Variants in CCSER1 observed in about 807,000 individuals in gnomAD.
The protein encoded by CCSER1 is serine-rich coiled-coil domain-containing protein 1.
Under a neutral mutation model 82.0 loss-of-function variants are expected in CCSER1, and 41 were observed. That is an observed-to-expected ratio of 0.50 (90% CI 0.39 to 0.65). The LOEUF (loss-of-function observed/expected upper bound fraction) is 0.65. CCSER1 is among the 30% of genes least tolerant of loss of function. The pLI is 0.00. For synonymous variants in CCSER1, 414 were observed against 383.9 expected (o/e 1.08, Z -0.92); for missense variants, 1,119 against 1,064.2 (o/e 1.05, Z -0.72).
chr4:90,845,707 CT>C (rs879272566), intron 8 of CCSER1, among the ~76,000 whole-genome samples: 78 of 150,234 alleles, frequency 5.2e-4, no homozygotes, highest in Middle Eastern at 3.5e-3. Flanking sequence ...TTAGTTAGTG[CT>C]TTTTTTTAAA....
chr4:90,238,591 G>A (rs756374005), intron 1 of CCSER1, among the ~76,000 whole-genome samples: 1 of 152,108 alleles, frequency 6.6e-6, no homozygotes, highest in South Asian at 2.1e-4. Context: ...TTGAAACAGA[G>A]CTGTCCTGGT....
intron 10 of CCSER1, among the ~76,000 whole-genome samples, chr4:91,249,562 C>G (rs555219345): frequency 3.9e-5 from 6 of 152,220 alleles, no homozygotes; most frequent in African/African-American, 1.2e-4. Context: ...TCACTGTTAG[C>G]AGACCAATCA....
In CCSER1 at chr4:91,556,211, C is replaced by G. The variant is rs185630067; in HGVS notation, c.2218-42361C>G. 1.5e-3 allele frequency among the ~76,000 whole-genome samples: 232 copies of G among 151,286 alleles called. 7 individuals are homozygous for G. Among genetic ancestry groups the G allele is most frequent in the African/African-American group, 5.4e-3 (221 of 41,304 alleles). On this transcript the variant is annotated intron_variant, in intron 10 of 10. Transcript: ENST00000509176. ...ATTTTGACTTTGATCTAATTTGGGA[C>G]AGCTCATTGACAGTTAAATACTTTA...
intron 10 of CCSER1, among the ~76,000 whole-genome samples, chr4:91,162,458 G>T (rs1731520801): frequency 6.6e-6 from 1 of 152,154 alleles, no homozygotes; most frequent in Admixed American, 6.5e-5. Flanking sequence ...ATGAGTTAGA[G>T]AGGAATTCCT....
At chr4:91,080,968 T>C (rs183659958) in intron 9 of CCSER1, among the ~76,000 whole-genome samples, 4 of 152,322 alleles carry the variant, frequency 2.6e-5, no homozygotes, top group Admixed American at 1.3e-4. Context: ...AGCCAAATTC[T>C]ACCCAGAGGT....
intron 7 of CCSER1, among the ~76,000 whole-genome samples, chr4:90,748,137 T>C (rs201812898): frequency 0.18 from 26,351 of 143,276 alleles, 2,995 homozygotes; most frequent in Middle Eastern, 0.26. Context: ...CTGCACCCAC[T>C]AACTCGTCAT....
intron 6 of CCSER1, among the ~76,000 whole-genome samples, chr4:90,648,301 G>GAAAGAA: frequency 1.5e-5 from 1 of 67,718 alleles, no homozygotes; most frequent in South Asian, 4.0e-4. Flanking sequence ...AAGAAAGAAA[G>GAAAGAA]AAAGAAAGAA....
intron 8 of CCSER1, among the ~76,000 whole-genome samples, chr4:90,816,904 CT>C (rs1200960826): frequency 2.6e-5 from 4 of 152,062 alleles, no homozygotes; most frequent in African/African-American, 7.2e-5. Flanking sequence ...GAAACTTGAT[CT>C]TTATTTAAAC....
chr4:90,701,572 G>C (rs1269255433), intron 6 of CCSER1, among the ~76,000 whole-genome samples: 1 of 152,118 alleles, frequency 6.6e-6, no homozygotes, highest in African/African-American at 2.4e-5. Flanking sequence ...AAATTACCTT[G>C]GGCAGTATGG....
At chr4:90,293,656 A>G (rs1731337335) in intron 1 of CCSER1, among the ~76,000 whole-genome samples, 1 of 151,194 alleles carries the variant, frequency 6.6e-6, no homozygotes, top group South Asian at 2.1e-4. Context: ...AAGATTTTTT[A>G]AATTTAAGAA....
At chr4:90,574,168 A>G (rs2148589719) in intron 5 of CCSER1, among the ~76,000 whole-genome samples, 1 of 151,772 alleles carries the variant, frequency 6.6e-6, no homozygotes, top group East Asian at 1.9e-4. Flanking sequence ...TTTTTAAATG[A>G]ACCTTGCAGT....
At chr4:91,281,534 A>T (rs1232735340) in intron 10 of CCSER1, among the ~76,000 whole-genome samples, 1 of 152,208 alleles carries the variant, frequency 6.6e-6, no homozygotes, top group Non-Finnish European at 1.5e-5. Flanking sequence ...ATCTGGGGAG[A>T]CAACTCAGGA....
chr4:90,153,304 G>C (rs1727275970), intron 1 of CCSER1, among the ~76,000 whole-genome samples: 1 of 151,914 alleles, frequency 6.6e-6, no homozygotes, highest in Non-Finnish European at 1.5e-5. Flanking sequence ...ATTTGGGTTG[G>C]TTCCAAGTCT....
intron 8 of CCSER1, among the ~76,000 whole-genome samples, chr4:90,899,344 A>AT (rs990839902): frequency 6.6e-6 from 1 of 151,960 alleles, no homozygotes; most frequent in African/African-American, 2.4e-5. Context: ...AGGTCTAGGC[A>AT]TTTTTTGGAG....
chr4:91,102,751 T>C (rs1725208531), intron 10 of CCSER1, among the ~76,000 whole-genome samples: 1 of 152,252 alleles, frequency 6.6e-6, no homozygotes, highest in Admixed American at 6.5e-5. Context: ...TATTTCTTGC[T>C]CTTTAACTAT....
intron 9 of CCSER1, among the ~76,000 whole-genome samples, chr4:91,037,859 T>C (rs1044251278): frequency 3.9e-5 from 6 of 152,120 alleles, no homozygotes; most frequent in Non-Finnish European, 8.8e-5. Flanking sequence ...GATACTTTTA[T>C]AATGAATCAA....
intron 9 of CCSER1, among the ~76,000 whole-genome samples, chr4:91,051,112 T>G (rs1742970665): frequency 6.6e-6 from 1 of 152,180 alleles, no homozygotes; most frequent in Admixed American, 6.6e-5. Context: ...ACTTCATGTA[T>G]TTCTGTTCTG....
At chr4:90,232,668 C>G (rs1243693632) in intron 1 of CCSER1, among the ~76,000 whole-genome samples, 1 of 140,774 alleles carries the variant, frequency 7.1e-6, no homozygotes, top group African/African-American at 2.7e-5. Context: ...AAAGAAACTA[C>G]CATCAGAGTG....
chr4:90,308,946 C>G lies in CCSER1; in HGVS notation c.662C>G (p.Pro221Arg). ...LEVTQYQEREPVLVRASPSCS... is the reference protein window; with the variant it reads ...LEVTQYQERERVLVRASPSCS... ...GTTACACAGTACCAAGAGAGAGAAC[C>G]TGTATTAGTAAGAGCTTCGCCATCC... The change falls in exon 2 of 11, where the codon CCT becomes CGT. Residue 221 changes from proline to arginine, a missense_variant. Coordinates refer to ENST00000509176, the MANE Select transcript of CCSER1 (RefSeq NM_001145065.2). 6.2e-7 allele frequency: 1 copy of G among 1,613,826 alleles called. No individual in the cohort carries two copies. Among genetic ancestry groups the G allele is most frequent in the Non-Finnish European group, 8.5e-7 (1 of 1,179,832 alleles).
Sources: gnomAD v4.1 joint callset for allele counts (sites outside exome capture counted in the v4.1 genomes callset) on GRCh38, gnomAD v4.1.1 for gene constraint, MANE v1.5 for transcripts, NCBI Gene and HGNC (gene_info 2026-07-23, HGNC 2026-07-21) for gene names.